The following ANXA10 variants were observed in gnomAD, a reference collection of about 807,000 sequenced individuals.
ANXA10 encodes the protein annexin 14.
ANXA10 carries 49 observed loss-of-function variants against 53.5 expected under a neutral mutation model. The observed-to-expected ratio is 0.92, with a 90% CI of 0.73 to 1.16. The LOEUF is 1.16. Among genes scored for constraint, ANXA10 ranks in the 50% most tolerant of loss-of-function variants. ANXA10 has a pLI of 0.00. For synonymous variants in ANXA10, 131 were observed against 128.9 expected (o/e 1.02, Z -0.11); for missense variants, 393 against 394.4 (o/e 1.00, Z 0.03).
chr4:168,110,736 T>C (rs1232739900), intron 1 of ANXA10, among the ~76,000 whole-genome samples: 1 of 152,132 alleles, frequency 6.6e-6, no homozygotes, highest in African/African-American at 2.4e-5. Context: ...CAAACTGGCT[T>C]TACTTTAAAA....
chr4:168,180,380 A>G (rs926976134), intron 9 of ANXA10, among the ~76,000 whole-genome samples: 2 of 152,212 alleles, frequency 1.3e-5, no homozygotes, highest in Non-Finnish European at 2.9e-5. Flanking sequence ...ACTAAAATTC[A>G]TAATATCCGA....
intron 1 of ANXA10, among the ~76,000 whole-genome samples, chr4:168,121,712 T>C (rs1019908085): frequency 4.6e-5 from 7 of 152,238 alleles, no homozygotes; most frequent in Admixed American, 6.5e-5. Flanking sequence ...TGTTATAGTA[T>C]ACACCAAAAA....
At chr4:168,167,469 T>C (rs1050057266) in intron 6 of ANXA10, among the ~76,000 whole-genome samples, 5 of 152,110 alleles carry the variant, frequency 3.3e-5, no homozygotes, top group African/African-American at 1.2e-4. Flanking sequence ...ATTTTTGACT[T>C]GGGATATTTT....
intron 1 of ANXA10, among the ~76,000 whole-genome samples, chr4:168,095,006 T>A (rs1408825728): frequency 1.3e-5 from 2 of 152,050 alleles, no homozygotes; most frequent in African/African-American, 2.4e-5. Context: ...AGTTTTGATA[T>A]ATTAGTCAGA....
chr4:168,159,198 G>C (rs1731740143), intron 3 of ANXA10, among the ~76,000 whole-genome samples: 1 of 152,094 alleles, frequency 6.6e-6, no homozygotes, highest in South Asian at 2.1e-4. Flanking sequence ...AATTTACATT[G>C]ATTAATTTTC....
chr4:168,108,953 A>C (rs1730759071), intron 1 of ANXA10, among the ~76,000 whole-genome samples: 1 of 152,190 alleles, frequency 6.6e-6, no homozygotes, highest in African/African-American at 2.4e-5. Context: ...TAGGTTGGTA[A>C]GTGGCTATGA....
At chr4:168,110,073 T>C (rs1168068127) in intron 1 of ANXA10, among the ~76,000 whole-genome samples, 1 of 151,938 alleles carries the variant, frequency 6.6e-6, no homozygotes, top group Admixed American at 6.6e-5. Flanking sequence ...TAGCCAGACG[T>C]GGTGGCGGGT....
chr4:168,104,053 A>G (rs1273674775), intron 1 of ANXA10, among the ~76,000 whole-genome samples: 1 of 151,886 alleles, frequency 6.6e-6, no homozygotes, highest in Non-Finnish European at 1.5e-5. Flanking sequence ...GATGTCTTTT[A>G]CCAAATTAAT....
rs766782048 is a variant in ANXA10 at position 168,127,817 on chromosome 4, CTTTTTTTTTT to C, written c.19-249_19-240del. On this transcript the variant is annotated intron_variant, in intron 1 of 11. Coordinates refer to ENST00000359299, the MANE Select transcript of ANXA10 (RefSeq NM_007193.5). ...TTTGTCTGGAAAACAATGTTGAAAC[CTTTTTTTTTT>C]TTTTTTTTTTTTTTTTTGCCTCCTG... is the stretch of plus-strand genomic sequence containing the variant. 8.0e-3 allele frequency: 1,189 copies of C among 148,990 alleles called. 36 individuals carry two copies. In the African/African-American group the frequency reaches 0.097, roughly 12 times the overall value. 9.2% of individuals were successfully genotyped at this position (148,990 alleles called of 1,614,324 possible). A position where few individuals can be genotyped will look rare whatever the true frequency, so the allele number is the denominator to read the frequency against.
chr4:168,175,333 G>C (rs567685615), intron 6 of ANXA10, among the ~76,000 whole-genome samples: 1 of 152,254 alleles, frequency 6.6e-6, no homozygotes, highest in Non-Finnish European at 1.5e-5. Flanking sequence ...CATATTAATT[G>C]CTTCCAATTA....
At chr4:168,155,243 A>C (rs968144853) in intron 3 of ANXA10, among the ~76,000 whole-genome samples, 10 of 145,124 alleles carry the variant, frequency 6.9e-5, no homozygotes, top group Non-Finnish European at 1.2e-4. Context: ...TAATTTATAC[A>C]TTCGTACAAT....
At chr4:168,134,488 A>C (rs896879513) in intron 2 of ANXA10, among the ~76,000 whole-genome samples, 3 of 152,184 alleles carry the variant, frequency 2.0e-5, no homozygotes, top group Admixed American at 1.3e-4. Context: ...ACAAAAAGTA[A>C]GACTATAATA....
At chr4:168,106,283 C>T (rs908517795) in intron 1 of ANXA10, among the ~76,000 whole-genome samples, 2 of 152,074 alleles carry the variant, frequency 1.3e-5, no homozygotes, top group Non-Finnish European at 2.9e-5. Context: ...ATTTTAAAAA[C>T]ATTTATTATG....
intron 1 of ANXA10, among the ~76,000 whole-genome samples, chr4:168,112,279 C>T (rs1207146407): frequency 6.6e-6 from 1 of 151,864 alleles, no homozygotes; most frequent in Non-Finnish European, 1.5e-5. Flanking sequence ...GCCTCTGCAG[C>T]AGAGCAAGAC....
intron 3 of ANXA10, among the ~76,000 whole-genome samples, chr4:168,144,585 T>C (rs1057122083): frequency 6.6e-6 from 1 of 152,224 alleles, no homozygotes; most frequent in Non-Finnish European, 1.5e-5. Context: ...AGAACTTTAA[T>C]ATGGAATGGT....
intron 1 of ANXA10, among the ~76,000 whole-genome samples, chr4:168,110,691 T>G (rs867923489): frequency 1.1e-4 from 17 of 152,278 alleles, no homozygotes; most frequent in Middle Eastern, 3.4e-3. Context: ...AAACAACTTA[T>G]TTATGGATTG....
chr4:168,168,400 G>A (rs1435822071), intron 6 of ANXA10, among the ~76,000 whole-genome samples: 3 of 152,044 alleles, frequency 2.0e-5, no homozygotes, highest in African/African-American at 4.8e-5. Flanking sequence ...TTTTAAATCT[G>A]TATTTAGTGT....
intron 1 of ANXA10, chr4:168,113,452 C>G (rs984189399): frequency 2.0e-5 from 3 of 151,886 alleles, no homozygotes; most frequent in African/African-American, 7.3e-5. Flanking sequence ...TCTCTGCTTT[C>G]ATCTCACTTG....
chr4:168,131,930 C>T (rs1387075928), intron 2 of ANXA10, among the ~76,000 whole-genome samples: 1 of 151,992 alleles, frequency 6.6e-6, no homozygotes. Flanking sequence ...AATAATTTTA[C>T]TCACCTCAGT....
Sources: gnomAD v4.1 joint callset for allele counts (sites outside exome capture counted in the v4.1 genomes callset) on GRCh38, gnomAD v4.1.1 for gene constraint, MANE v1.5 for transcripts, NCBI Gene and HGNC (gene_info 2026-07-23, HGNC 2026-07-21) for gene names.